LRP6: variants seen among roughly 807,000 people sequenced by gnomAD.
The protein encoded by LRP6 is low-density lipoprotein receptor-related protein 6.
LRP6 carries 43 observed loss-of-function variants against 184.1 expected under a neutral mutation model. The observed-to-expected ratio is 0.23, with a 90% CI of 0.18 to 0.30. The LOEUF (loss-of-function observed/expected upper bound fraction) is 0.30, where lower values mean the gene tolerates loss of function less well. LRP6 is among the 10% of genes least tolerant of loss of function. The probability of loss-of-function intolerance (pLI) is 1.00; values close to 1 mark genes in which losing one functional copy is unlikely to be tolerated. For missense variants in LRP6, 1,571 were observed against 2,005.3 expected, an observed-to-expected ratio of 0.78 and a Z score of 4.14; for synonymous variants, 719 against 684.9, an observed-to-expected ratio of 1.05 and a Z score of -0.78.
In LRP6 at chr12:12,155,263, T is replaced by C; in HGVS notation, c.2791+3566A>G. 5.4e-6 allele frequency: 4 copies of C among 743,500 alleles called. No individual in the cohort carries two copies. In the East Asian group the frequency reaches 1.0e-4, roughly 19 times the overall value. The allele number at this position is 743,500 out of a possible 1,614,324, so 46.1% of individuals were successfully genotyped here. A position where few individuals can be genotyped will look rare whatever the true frequency, so the allele number is the denominator to read the frequency against. Reference sequence around the variant, plus strand: ...GCCATCTTCCAGTAATTTGCCAAAATGATGAACACAAAGGGAAAGAGGAGA... The same window carrying C: ...GCCATCTTCCAGTAATTTGCCAAAACGATGAACACAAAGGGAAAGAGGAGA... On this transcript the variant is annotated intron_variant, in intron 12 of 22. Coordinates refer to ENST00000261349, the MANE Select transcript of LRP6 (RefSeq NM_002336.3).
At chr12:12,170,631 T>C in intron 7 of LRP6, among the ~76,000 whole-genome samples, 1 of 152,070 alleles carries the variant, frequency 6.6e-6, no homozygotes, top group East Asian at 1.9e-4. Flanking sequence ...ATTAATTGGT[T>C]CCTTTTTTAG....
chr12:12,236,451 A>G (rs1864934629), intron 2 of LRP6, among the ~76,000 whole-genome samples: 2 of 152,206 alleles, frequency 1.3e-5, no homozygotes, highest in Admixed American at 6.5e-5. Context: ...ACATAACAGA[A>G]CATTTCTGAC....
chr12:12,221,739 C>G (rs1427324741), intron 2 of LRP6, among the ~76,000 whole-genome samples: 4 of 152,168 alleles, frequency 2.6e-5, no homozygotes, highest in African/African-American at 9.7e-5. Context: ...TATTCTTGCA[C>G]AGCTGGTGTT....
rs12320259 is a variant in LRP6, at chr12:12,147,235, C to T, written c.3397+131G>A. ...AAGAAAAAGCTCTTCACCAACCAAC[C>T]TGATGCTGACTACATTTAATGAATA... On this transcript the variant is annotated intron_variant, in intron 15 of 22. Transcript: ENST00000261349. 145,292 of 977,266 alleles carry T rather than the reference C, an allele frequency of 0.15. 11,851 individuals carry two copies. Among genetic ancestry groups the T allele is most frequent in the Middle Eastern group, 0.2 (699 of 3,506 alleles). The allele number at this position is 977,266 out of a possible 1,614,324, so 60.5% of individuals were successfully genotyped here.
At chr12:12,178,244 A>T (rs1863244920) in intron 7 of LRP6, among the ~76,000 whole-genome samples, 1 of 152,192 alleles carries the variant, frequency 6.6e-6, no homozygotes, top group Non-Finnish European at 1.5e-5. Context: ...CTTCTGAACT[A>T]TTTGTTATTC....
intron 1 of LRP6, among the ~76,000 whole-genome samples, chr12:12,246,671 CAA>C (rs1214105103): frequency 2.6e-4 from 30 of 117,172 alleles, no homozygotes; most frequent in Non-Finnish European, 2.6e-4. Flanking sequence ...GACCCTGTCT[CAA>C]AAAAAAAAAA....
intron 1 of LRP6, among the ~76,000 whole-genome samples, chr12:12,257,874 G>A (rs1310287864): frequency 6.7e-6 from 1 of 149,600 alleles, no homozygotes; most frequent in Non-Finnish European, 1.5e-5. Context: ...AGCTGAGGCA[G>A]GAGGATCGCC....
chr12:12,148,952 G>C lies in LRP6; in HGVS notation c.3196C>G (p.Pro1066Ala). 1.2e-6 allele frequency: 2 copies of C among 1,612,672 alleles called. No homozygotes were observed. Among genetic ancestry groups the C allele is most frequent in the Non-Finnish European group, 1.7e-6 (2 of 1,179,460 alleles). Residue 1066 changes from proline (P) to alanine (A), a missense_variant, in exon 14 of 23, where the codon CCA (proline) becomes GCA (alanine). Physicochemically the swap from Pro to Ala is conservative, Grantham distance 27. This residue lies in a region of LRP6 where 763 missense variants were observed against 859.5 expected (regional missense o/e 0.89). Transcript: ENST00000261349. ...ACTTTAGTAACATACCCTTTCTCTGGGTTTACCACAACGGCTCGAGGTCTG... is the reference window on the plus strand; with the variant it reads ...ACTTTAGTAACATACCCTTTCTCTGCGTTTACCACAACGGCTCGAGGTCTG... Reference protein sequence around the residue: ...QDRPRAVVVNPEKGYMYFTNL... With the variant: ...QDRPRAVVVNAEKGYMYFTNL...
chr12:12,258,705 T>C (rs370624001), intron 1 of LRP6, among the ~76,000 whole-genome samples: 1 of 152,226 alleles, frequency 6.6e-6, no homozygotes. Flanking sequence ...GGTAATGAAG[T>C]TCACTCGTCA....
At chr12:12,162,757 G>A (rs1441445264) in intron 9 of LRP6, among the ~76,000 whole-genome samples, 1 of 152,010 alleles carries the variant, frequency 6.6e-6, no homozygotes, top group East Asian at 1.9e-4. Flanking sequence ...CTTAATTAGT[G>A]GTCAATTTTC....
At chr12:12,160,083 G>T in intron 10 of LRP6, 119 bp from the exon 11 acceptor site, 1 of 719,110 alleles carries the variant, frequency 1.4e-6, no homozygotes, top group Non-Finnish European at 2.2e-6. Context: ...TCAAGGAAAT[G>T]GGTTAAACAA....
intron 2 of LRP6, among the ~76,000 whole-genome samples, chr12:12,243,824 C>T (rs767909989): frequency 3.3e-5 from 5 of 152,200 alleles, no homozygotes; most frequent in Non-Finnish European, 5.9e-5. Flanking sequence ...GATCTCAGCT[C>T]ACTGCAACCT....
intron 10 of LRP6, 136 bp from the exon 11 acceptor site, chr12:12,160,100 G>A (rs111927704): frequency 3.6e-5 from 23 of 641,430 alleles, no homozygotes; most frequent in Middle Eastern, 4.3e-4. Context: ...ACAAAATCAC[G>A]GCTACAATGC....
intron 5 of LRP6, 37 bp from the exon 6 acceptor site, chr12:12,181,476 C>A (rs1235684613): frequency 1.1e-6 from 1 of 932,308 alleles, no homozygotes; most frequent in Admixed American, 1.7e-5. Flanking sequence ...TACTTTGAAA[C>A]CCAGAGGTAA....
intron 18 of LRP6, among the ~76,000 whole-genome samples, chr12:12,131,160 T>G (rs1949750665): frequency 1.5e-5 from 2 of 134,660 alleles, no homozygotes; most frequent in Admixed American, 1.9e-4. Flanking sequence ...CAGGCTGGAG[T>G]GCAGTGGCGC....
intron 2 of LRP6, among the ~76,000 whole-genome samples, chr12:12,231,978 G>A (rs1277307188): frequency 2.7e-5 from 4 of 150,758 alleles, no homozygotes; most frequent in Admixed American, 2.6e-4. Flanking sequence ...CTGCGCCACT[G>A]ACGAAGCGAG....
At chr12:12,257,779 CAAAAAAAAAAAAAAA>C (rs1163180718) in intron 1 of LRP6, among the ~76,000 whole-genome samples, 8 of 35,322 alleles carry the variant, frequency 2.3e-4, no homozygotes, top group East Asian at 1.9e-3. Flanking sequence ...CCTGTCTCTA[CAAAAAAAAAAAAAAA>C]AAAAAAAAAA....
At position 12,126,924 on chromosome 12, in the gene LRP6, A is replaced by G. The variant is rs1044373204; in HGVS notation, c.4082-3T>C. 6.2e-7 allele frequency: 1 copy of G among 1,605,864 alleles called. No homozygotes were observed. Among genetic ancestry groups the G allele is most frequent in the Non-Finnish European group, 8.5e-7 (1 of 1,172,426 alleles). ...TGGTGCTGGTTCTTCAGTCGGATCT[A>G]CAATGAAGAATGCAGTATGGTTATT... On this transcript the variant is annotated splice_polypyrimidine_tract_variant and splice_region_variant and intron_variant, in intron 19 of 22. Transcript: ENST00000261349.
chr12:12,192,106 A>G (rs1863634915), intron 3 of LRP6, among the ~76,000 whole-genome samples: 1 of 152,088 alleles, frequency 6.6e-6, no homozygotes, highest in Non-Finnish European at 1.5e-5. Context: ...ACCCTGTGTT[A>G]GATATAATAG....
Sources: allele counts gnomAD v4.1 joint callset (sites outside exome capture counted in the v4.1 genomes callset), GRCh38; gene constraint gnomAD v4.1.1; regional missense constraint gnomAD v4.1.1; transcripts MANE v1.5; gene names NCBI Gene and HGNC (gene_info 2026-07-23, HGNC 2026-07-21).